IGF1R: variants seen among roughly 807,000 people sequenced by gnomAD.
IGF1R encodes the protein insulin-like growth factor 1 receptor.
IGF1R carries 44 observed loss-of-function variants against 144.6 expected under a neutral mutation model. The observed-to-expected ratio is 0.30, with a 90% CI of 0.24 to 0.39. The LOEUF (loss-of-function observed/expected upper bound fraction) is 0.39, where lower values mean the gene tolerates loss of function less well. Ranked by LOEUF, IGF1R falls within the 10% of genes least tolerant of loss-of-function variation. IGF1R has a pLI of 1.00. For synonymous variants in IGF1R, 795 were observed against 722.8 expected (o/e 1.10, Z -1.60); for missense variants, 1,355 against 1,833.7 (o/e 0.74, Z 4.77).
At chr15:98,729,557 A>C (rs1435055789) in intron 2 of IGF1R, among the ~76,000 whole-genome samples, 3 of 105,170 alleles carry the variant, frequency 2.9e-5, no homozygotes, top group African/African-American at 9.6e-5. Flanking sequence ...GAAAAACCCT[A>C]ATGTGCTTTT....
chr15:98,740,891 G>A (rs1256365942), intron 2 of IGF1R, among the ~76,000 whole-genome samples: 2 of 152,128 alleles, frequency 1.3e-5, no homozygotes, highest in African/African-American at 4.8e-5. Flanking sequence ...AAGATATTTA[G>A]TGAAATTTAA....
chr15:98,758,307 A>G (rs557041449), intron 2 of IGF1R, among the ~76,000 whole-genome samples: 1 of 151,362 alleles, frequency 6.6e-6, no homozygotes, highest in South Asian at 2.1e-4. Flanking sequence ...TCTTGGTTCG[A>G]TTAGTTCTGT....
intron 1 of IGF1R, among the ~76,000 whole-genome samples, chr15:98,687,876 G>A (rs62024476): frequency 0.19 from 28,032 of 146,702 alleles, 2,903 homozygotes; most frequent in Non-Finnish European, 0.23. Context: ...GTGGAAGGCC[G>A]AAGTTACTTA....
chr15:98,960,290 T>C lies in IGF1R; in HGVS notation c.*2848T>C. On this transcript the variant is annotated 3_prime_UTR_variant, in exon 21 of 21. Coordinates refer to ENST00000650285, the MANE Select transcript of IGF1R (RefSeq NM_000875.5). The stretch of plus-strand genomic sequence containing the variant: ...TTTTCTGAGATGTCCTGTTTTGTGT[T>C]GCTTTTTTTGTTTTGTTTTCTATCT... 1 of 169,636 alleles carries C rather than the reference T, an allele frequency of 5.9e-6. No individual in the cohort carries two copies. The highest frequency in any genetic ancestry group is 1.1e-5 in the Non-Finnish European group (1 of 87,022). 10.5% of individuals were successfully genotyped at this position (169,636 alleles called of 1,614,324 possible).
chr15:98,652,793 G>A (rs899160465), intron 1 of IGF1R, among the ~76,000 whole-genome samples: 12 of 152,092 alleles, frequency 7.9e-5, no homozygotes, highest in Non-Finnish European at 8.8e-5. Flanking sequence ...GTGGGCACAG[G>A]GTTTCTTTTT....
intron 5 of IGF1R, among the ~76,000 whole-genome samples, chr15:98,907,336 C>G (rs2014781115): frequency 6.6e-6 from 1 of 152,214 alleles, no homozygotes; most frequent in Non-Finnish European, 1.5e-5. Context: ...AGACCCTCAC[C>G]AGATGCAGAG....
intron 2 of IGF1R, among the ~76,000 whole-genome samples, chr15:98,748,152 CT>C (rs566125954): frequency 2.0e-4 from 31 of 152,144 alleles, no homozygotes; most frequent in Non-Finnish European, 3.4e-4. Flanking sequence ...GCATGCACAA[CT>C]TTTAATTAAG....
chr15:98,691,058 A>G (rs777608070), intron 1 of IGF1R, among the ~76,000 whole-genome samples: 36 of 152,198 alleles, frequency 2.4e-4, no homozygotes, highest in Admixed American at 6.5e-5. Flanking sequence ...CGCCTCTGTT[A>G]ACATTCTGTG....
At chr15:98,672,593 G>T (rs2052923766) in intron 1 of IGF1R, among the ~76,000 whole-genome samples, 2 of 149,130 alleles carry the variant, frequency 1.3e-5, no homozygotes, top group Non-Finnish European at 1.5e-5. Context: ...AAAAAAAAGT[G>T]TAGGTTAGCA....
At chr15:98,769,082 A>G (rs2055517950) in intron 2 of IGF1R, among the ~76,000 whole-genome samples, 1 of 152,268 alleles carries the variant, frequency 6.6e-6, no homozygotes, top group Non-Finnish European at 1.5e-5. Flanking sequence ...ACTCTTTGAC[A>G]TAAAATCTCT....
intron 10 of IGF1R, 138 bp downstream of exon 10, chr15:98,917,014 G>T: frequency 1.3e-6 from 1 of 773,648 alleles, no homozygotes. Context: ...AGCCGAAAAA[G>T]ATGACAGGTT....
chr15:98,795,216 C>T (rs572250362), intron 2 of IGF1R, among the ~76,000 whole-genome samples: 83 of 151,874 alleles, frequency 5.5e-4, no homozygotes, highest in Non-Finnish European at 9.7e-4. Flanking sequence ...CAAAATGGGG[C>T]GAAAGAGGGT....
intron 1 of IGF1R, among the ~76,000 whole-genome samples, chr15:98,682,134 A>C (rs1300630887): frequency 6.6e-6 from 1 of 152,188 alleles, no homozygotes; most frequent in Non-Finnish European, 1.5e-5. Context: ...ACCTGCCACC[A>C]TTATTTGGTC....
intron 18 of IGF1R, among the ~76,000 whole-genome samples, chr15:98,942,324 C>T (rs368186439): frequency 1.1e-4 from 16 of 151,942 alleles, no homozygotes; most frequent in Non-Finnish European, 1.6e-4. Flanking sequence ...ATTTTTACAC[C>T]GCTTCCTTTT....
chr15:98,808,823 G>T (rs937076793), intron 2 of IGF1R, among the ~76,000 whole-genome samples: 13 of 152,026 alleles, frequency 8.6e-5, no homozygotes, highest in African/African-American at 2.9e-4. Flanking sequence ...AGGACTACAG[G>T]TGTGCACCAC....
intron 2 of IGF1R, among the ~76,000 whole-genome samples, chr15:98,758,537 C>T (rs1191666529): frequency 1.3e-5 from 2 of 152,244 alleles, no homozygotes; most frequent in Non-Finnish European, 2.9e-5. Flanking sequence ...TTCCCAGTCT[C>T]TTCCGACAAC....
chr15:98,686,301 T>C (rs566728391), intron 1 of IGF1R, among the ~76,000 whole-genome samples: 1 of 152,370 alleles, frequency 6.6e-6, no homozygotes, highest in South Asian at 2.1e-4. Flanking sequence ...ATGTGGTATA[T>C]ATGCTTATCC....
At chr15:98,952,452 T>C (rs1233823220) in intron 20 of IGF1R, among the ~76,000 whole-genome samples, 4 of 152,214 alleles carry the variant, frequency 2.6e-5, no homozygotes, top group East Asian at 1.9e-4. Flanking sequence ...GTAAGAGGTC[T>C]GATGACCACT....
At chr15:98,799,445 C>G (rs2056316283) in intron 2 of IGF1R, among the ~76,000 whole-genome samples, 1 of 151,842 alleles carries the variant, frequency 6.6e-6, no homozygotes, top group African/African-American at 2.4e-5. Context: ...CTTTATAAAG[C>G]TTGGCATAAT....
Sources: allele counts gnomAD v4.1 joint callset (sites outside exome capture counted in the v4.1 genomes callset), GRCh38; gene constraint gnomAD v4.1.1; transcripts MANE v1.5; gene names NCBI Gene and HGNC (gene_info 2026-07-23, HGNC 2026-07-21).